SGCD: variants seen among roughly 807,000 people sequenced by gnomAD.
The protein encoded by SGCD is sarcoglycan delta.
SGCD carries 18 observed loss-of-function variants against 36.6 expected under a neutral mutation model. That is an observed-to-expected ratio of 0.49 (90% CI 0.34 to 0.73). SGCD has a LOEUF of 0.73. Among genes scored for constraint, SGCD ranks in the 30% least tolerant of loss-of-function variants. The pLI is 0.01. For synonymous variants in SGCD, 133 were observed against 130.6 expected, an observed-to-expected ratio of 1.02 and a Z score of -0.12; for missense variants, 387 against 346.7, an observed-to-expected ratio of 1.12 and a Z score of -0.92.
intron 3 of SGCD, among the ~76,000 whole-genome samples, chr5:156,160,859 A>C (rs555921963): frequency 6.6e-6 from 1 of 151,782 alleles, no homozygotes; most frequent in South Asian, 2.1e-4. Context: ...CTCTTAGATT[A>C]GAGGCCAGCA....
intron 3 of SGCD, among the ~76,000 whole-genome samples, chr5:156,160,909 C>T (rs1305593336): frequency 4.6e-5 from 7 of 151,670 alleles, no homozygotes; most frequent in Non-Finnish European, 1.0e-4. Flanking sequence ...ATATTTTAGC[C>T]TTTGTGTAGC....
the SGCD span, among the ~76,000 whole-genome samples, chr5:155,736,513 C>T: frequency 6.6e-6 from 1 of 152,140 alleles, no homozygotes; most frequent in Non-Finnish European, 1.5e-5. Flanking sequence ...CTTAAAATTC[C>T]TCCATTGCAT....
chr5:156,341,110 T>C (rs1561631063), intron 2 of SGCD, among the ~76,000 whole-genome samples: 1 of 152,170 alleles, frequency 6.6e-6, no homozygotes, highest in Non-Finnish European at 1.5e-5. Context: ...CACTATACGA[T>C]GCAGCAAAAG....
At chr5:156,399,806 G>A (rs906277389) in intron 3 of SGCD, among the ~76,000 whole-genome samples, 2 of 152,164 alleles carry the variant, frequency 1.3e-5, no homozygotes, top group Non-Finnish European at 2.9e-5. Flanking sequence ...ACATCCTAGA[G>A]AAGAAGGGAT....
chr5:155,763,228 A>G, the SGCD span, among the ~76,000 whole-genome samples: 6 of 152,224 alleles, frequency 3.9e-5, no homozygotes, highest in Non-Finnish European at 8.8e-5. Flanking sequence ...AGGAATTATA[A>G]TGAAATCTGA....
At chr5:156,715,530 C>T (rs1240533125) in intron 7 of SGCD, among the ~76,000 whole-genome samples, 1 of 152,188 alleles carries the variant, frequency 6.6e-6, no homozygotes, top group Non-Finnish European at 1.5e-5. Context: ...ATCAATCTTT[C>T]CTTCATTCAT....
chr5:156,294,825 A>G (rs1766853542), intron 3 of SGCD, among the ~76,000 whole-genome samples: 1 of 152,162 alleles, frequency 6.6e-6, no homozygotes, highest in Non-Finnish European at 1.5e-5. Context: ...TATTCCAGGA[A>G]TAAATCCCAC....
At chr5:156,131,787 T>C (rs917867629) in intron 3 of SGCD, among the ~76,000 whole-genome samples, 3 of 152,224 alleles carry the variant, frequency 2.0e-5, no homozygotes, top group African/African-American at 7.2e-5. Context: ...CCAGAATGAT[T>C]GAAAGTGGCC....
At chr5:155,852,574 G>A in the SGCD span, among the ~76,000 whole-genome samples, 2 of 152,072 alleles carry the variant, frequency 1.3e-5, no homozygotes, top group Non-Finnish European at 2.9e-5. Flanking sequence ...AAAGAAGTAG[G>A]AGGATGGAAC....
At position 156,060,570 on chromosome 5, in the gene SGCD, G is replaced by A. The variant is rs1205020334; in HGVS notation, c.-281-57308G>A. 2.1e-5 allele frequency among the ~76,000 whole-genome samples: 3 copies of A among 145,800 alleles called. No individual in the cohort carries two copies. In the Admixed American group the frequency reaches 2.1e-4, roughly 10 times the overall value. On this transcript the variant is annotated intron_variant, in intron 1 of 9. Transcript: ENST00000517913. ...TAACCAATTGAGACTGGTTATAATG[G>A]GAATGGGGTACTTCCAAAGAAATTT...
At chr5:155,730,627 A>T in the SGCD span, among the ~76,000 whole-genome samples, 1 of 152,166 alleles carries the variant, frequency 6.6e-6, no homozygotes, top group Admixed American at 6.5e-5. Context: ...CCCAGCACAC[A>T]CTTGGCGCTG....
chr5:156,311,502 A>T (rs1219221069), intron 3 of SGCD, among the ~76,000 whole-genome samples: 1 of 152,224 alleles, frequency 6.6e-6, no homozygotes, highest in Non-Finnish European at 1.5e-5. Context: ...CAAATAAAAA[A>T]GTCTTATACA....
At chr5:156,070,773 G>C (rs1260338086) in intron 1 of SGCD, among the ~76,000 whole-genome samples, 1 of 152,020 alleles carries the variant, frequency 6.6e-6, no homozygotes, top group Non-Finnish European at 1.5e-5. Context: ...CACTCTTTTT[G>C]GTTGGTAAGC....
At chr5:156,210,724 A>G (rs1469862482) in intron 3 of SGCD, among the ~76,000 whole-genome samples, 3 of 151,960 alleles carry the variant, frequency 2.0e-5, no homozygotes, top group Non-Finnish European at 4.4e-5. Flanking sequence ...CAGAAGAAGA[A>G]CCTGTGAACT....
chr5:155,885,229 A>G lies in SGCD; in HGVS notation c.-282+14805A>G, dbSNP rs185943519. ...TAGATGTTGTAGGAGGTGCTGAGAA[A>G]GAATACAGAGACAAAGGACAGAGTT... On this transcript the variant is annotated intron_variant, in intron 1 of 9. Coordinates refer to the SGCD transcript ENST00000517913. Among the ~76,000 whole-genome samples the G allele has an allele frequency of 6.0e-5, 7 of 116,572 alleles. No individual in the cohort carries two copies. In the East Asian group the frequency reaches 1.1e-3, roughly 18 times the overall value. 76.5% of individuals were successfully genotyped at this position (116,572 alleles called of 152,430 possible).
chr5:156,280,995 A>G (rs1376517403), intron 3 of SGCD, among the ~76,000 whole-genome samples: 2 of 152,320 alleles, frequency 1.3e-5, no homozygotes, highest in East Asian at 1.9e-4. Context: ...GATACAGTAT[A>G]ACAAAGTGAA....
intron 1 of SGCD, among the ~76,000 whole-genome samples, chr5:155,936,397 T>C (rs568240623): frequency 1.3e-5 from 2 of 152,192 alleles, no homozygotes; most frequent in South Asian, 2.1e-4. Flanking sequence ...AATGTCCCAG[T>C]GAGTGTTCAG....
intron 3 of SGCD, among the ~76,000 whole-genome samples, chr5:156,502,379 G>T (rs1217724170): frequency 2.6e-5 from 4 of 151,812 alleles, no homozygotes; most frequent in Non-Finnish European, 5.9e-5. Flanking sequence ...AGAGGATTTT[G>T]CTCTTTCCCA....
chr5:155,992,205 C>T (rs1313442524), intron 1 of SGCD, among the ~76,000 whole-genome samples: 1 of 152,124 alleles, frequency 6.6e-6, no homozygotes, highest in Non-Finnish European at 1.5e-5. Flanking sequence ...AGATATAGAC[C>T]TCTTGAAACC....
Sources: gnomAD v4.1 joint callset for allele counts (sites outside exome capture counted in the v4.1 genomes callset) on GRCh38, gnomAD v4.1.1 for gene constraint, MANE v1.5 for transcripts, NCBI Gene and HGNC (gene_info 2026-07-23, HGNC 2026-07-21) for gene names.